The following TFDP2 variants were observed in gnomAD, a reference collection of about 807,000 sequenced individuals.
TFDP2 encodes the protein transcription factor Dp-2 (E2F dimerization partner 2).
In TFDP2, 17 loss-of-function variants were observed where a neutral mutation model predicts 59.3. The observed-to-expected ratio is 0.29, with a 90% CI of 0.20 to 0.43. The LOEUF (loss-of-function observed/expected upper bound fraction) is 0.43, where lower values mean the gene tolerates loss of function less well. TFDP2 is among the 20% of genes least tolerant of loss of function. The pLI is 1.00. For missense variants in TFDP2, 391 were observed against 528.8 expected (o/e 0.74, Z 2.56); for synonymous variants, 180 against 194.7 (o/e 0.92, Z 0.63).
At chr3:141,973,207 C>CCT (rs1940110216) in intron 8 of TFDP2, among the ~76,000 whole-genome samples, 1 of 149,994 alleles carries the variant, frequency 6.7e-6, no homozygotes, top group South Asian at 2.1e-4. Context: ...GTAACCTCTG[C>CCT]CTCCCAGGTT....
chr3:142,000,788 A>C (rs1213506290), intron 4 of TFDP2, among the ~76,000 whole-genome samples: 3 of 152,220 alleles, frequency 2.0e-5, no homozygotes. Context: ...GAAAAGAAGA[A>C]AGGGATAATA....
chr3:141,948,339 C>G lies in TFDP2; in HGVS notation c.*4174G>C, dbSNP rs1006187121. 1.3e-5 allele frequency: 2 copies of G among 151,748 alleles called. No individual in the cohort carries two copies. Among genetic ancestry groups the G allele is most frequent in the African/African-American group, 4.8e-5 (2 of 41,294 alleles). 9.4% of individuals were successfully genotyped at this position (151,748 alleles called of 1,614,324 possible). Reference sequence around the variant, plus strand: ...GGCAGATCACCTGAGGTCAGGAGTTCGACACCAGCCTGGGCAACACGGTGA... The same window carrying G: ...GGCAGATCACCTGAGGTCAGGAGTTGGACACCAGCCTGGGCAACACGGTGA... On this transcript the variant is annotated 3_prime_UTR_variant, in exon 13 of 13. Transcript: ENST00000489671.
chr3:141,984,852 A>G (rs1395585764), intron 6 of TFDP2, among the ~76,000 whole-genome samples: 1 of 152,250 alleles, frequency 6.6e-6, no homozygotes, highest in Non-Finnish European at 1.5e-5. Context: ...CTACAAAACC[A>G]AATTCAATAT....
At position 141,949,952 on chromosome 3, in the gene TFDP2, C is replaced by G. The variant is rs376327125; in HGVS notation, c.*2561G>C. The stretch of plus-strand genomic sequence containing the variant: ...CCTCTTGAGTAGCCAGGACTACAGG[C>G]ATGCCCCACCACACCCAGCTAATTT... On this transcript the variant is annotated 3_prime_UTR_variant, in exon 13 of 13. Coordinates refer to ENST00000489671, the MANE Select transcript of TFDP2 (RefSeq NM_001178139.2). The G allele has an allele frequency of 6.6e-6, 1 of 151,976 alleles. No homozygotes were observed. Among genetic ancestry groups the G allele is most frequent in the African/African-American group, 2.4e-5 (1 of 41,326 alleles). 9.4% of individuals were successfully genotyped at this position (151,976 alleles called of 1,614,324 possible).
intron 3 of TFDP2, among the ~76,000 whole-genome samples, chr3:142,010,377 A>G (rs1944562752): frequency 6.6e-6 from 1 of 152,132 alleles, no homozygotes; most frequent in African/African-American, 2.4e-5. Context: ...TTGGGAGGCC[A>G]AGGTGGGTGG....
intron 1 of TFDP2, among the ~76,000 whole-genome samples, chr3:142,111,712 C>G (rs780421482): frequency 6.6e-6 from 1 of 151,982 alleles, no homozygotes; most frequent in Non-Finnish European, 1.5e-5. Flanking sequence ...GGCAAGGCAA[C>G]GGGCTGCTAA....
chr3:142,114,605 C>A (rs2061784888), intron 1 of TFDP2, among the ~76,000 whole-genome samples: 1 of 151,812 alleles, frequency 6.6e-6, no homozygotes, highest in Non-Finnish European at 1.5e-5. Flanking sequence ...AGGTTAACTG[C>A]AAAAGCTGTC....
At chr3:142,103,038 C>G (rs1252932054) in intron 1 of TFDP2, among the ~76,000 whole-genome samples, 2 of 152,062 alleles carry the variant, frequency 1.3e-5, no homozygotes, top group Non-Finnish European at 2.9e-5. Flanking sequence ...GAGTTCGAGA[C>G]CAGCCTGGCC....
At chr3:141,969,074 G>C in intron 9 of TFDP2, among the ~76,000 whole-genome samples, 1 of 63,038 alleles carries the variant, frequency 1.6e-5, no homozygotes, top group South Asian at 4.2e-4. Flanking sequence ...TCATATATAT[G>C]AGATATATAT....
At chr3:142,014,256 C>T (rs1944948895) in intron 3 of TFDP2, among the ~76,000 whole-genome samples, 1 of 152,190 alleles carries the variant, frequency 6.6e-6, no homozygotes, top group African/African-American at 2.4e-5. Flanking sequence ...TATCCTCCTG[C>T]CTCAGCTCTC....
intron 3 of TFDP2, among the ~76,000 whole-genome samples, chr3:142,007,183 C>T (rs925423131): frequency 2.0e-5 from 3 of 152,288 alleles, no homozygotes; most frequent in Non-Finnish European, 4.4e-5. Flanking sequence ...TGGCCCTTTC[C>T]CTTCAGTTTT....
intron 10 of TFDP2, among the ~76,000 whole-genome samples, chr3:141,962,806 G>A (rs911359955): frequency 1.3e-5 from 2 of 152,236 alleles, no homozygotes; most frequent in Non-Finnish European, 2.9e-5. Flanking sequence ...AGGGCCCTAG[G>A]AGACAGGAAG....
At chr3:141,973,683 CTTTTTT>C (rs200088518) in intron 8 of TFDP2, among the ~76,000 whole-genome samples, 2 of 132,614 alleles carry the variant, frequency 1.5e-5, no homozygotes, top group African/African-American at 2.8e-5. Context: ...CGGCTTGATC[CTTTTTT>C]TTTTTTTTTT....
rs892328000 is a variant in TFDP2, at chr3:141,951,064, C to A, written c.*1449G>T. The A allele has an allele frequency of 6.6e-6, 1 of 152,190 alleles. No individual in the cohort carries two copies. Among genetic ancestry groups the A allele is most frequent in the Non-Finnish European group, 1.5e-5 (1 of 68,036 alleles). 9.4% of individuals were successfully genotyped at this position (152,190 alleles called of 1,614,324 possible). A position where few individuals can be genotyped will look rare whatever the true frequency, so the allele number is the denominator to read the frequency against. The stretch of plus-strand genomic sequence containing the variant: ...ATAAAGAGGCACCACAGGAAGGAGC[C>A]TGCACTTCCCCCATGGGATTTAAAA... On this transcript the variant is annotated 3_prime_UTR_variant, in exon 13 of 13. Transcript: ENST00000489671.
intron 3 of TFDP2, among the ~76,000 whole-genome samples, chr3:142,008,015 T>G (rs748078046): frequency 2.6e-5 from 4 of 152,182 alleles, no homozygotes; most frequent in Non-Finnish European, 5.9e-5. Context: ...CTGCTGGCAC[T>G]CGTTTAATTT....
chr3:142,102,993 T>C (rs1360763875), intron 1 of TFDP2, among the ~76,000 whole-genome samples: 3 of 152,152 alleles, frequency 2.0e-5, no homozygotes, highest in Non-Finnish European at 4.4e-5. Flanking sequence ...CCCAGCACTT[T>C]GGGAGGCTGA....
rs143613930 is a variant in TFDP2 at position 142,069,984 on chromosome 3, C to T, written c.82+23077G>A. 2.6e-3 allele frequency among the ~76,000 whole-genome samples: 395 copies of T among 152,016 alleles called. 8 individuals are homozygous for T. The highest frequency in any genetic ancestry group is 0.015 in the East Asian group (78 of 5,150). On this transcript the variant is annotated intron_variant, in intron 3 of 12. Transcript: ENST00000489671. ...GCAGTGGCGTGATCTCGGCTCACTG[C>T]AACCTCCGTTTCCCAAATTTAAGCT...
In TFDP2 at chr3:141,963,901, C is replaced by A. The variant is rs368449209; in HGVS notation, c.795G>T (p.Pro265=). 8 of 1,613,462 alleles carry A rather than the reference C, an allele frequency of 5.0e-6. No homozygotes were observed. Among genetic ancestry groups the A allele is most frequent in the South Asian group, 4.4e-5 (4 of 91,042 alleles). The change falls in exon 10 of 13, where the codon CCG becomes CCT. Residue 265 remains proline, a synonymous_variant. Transcript: ENST00000489671. ...GCTGAATGGTAGAGTTCAGAGCCGG[C>A]GGGCCCTGGTTTTGCTGCTCATTTT... ...NRQNEQQNQG[P]PALNSTIQLP...
intron 1 of TFDP2, among the ~76,000 whole-genome samples, chr3:142,102,436 G>A (rs1211001573): frequency 6.6e-6 from 1 of 152,138 alleles, no homozygotes; most frequent in Non-Finnish European, 1.5e-5. Context: ...GGATTACTGG[G>A]GCTAAAGGGG....
Sources: allele counts gnomAD v4.1 joint callset (sites outside exome capture counted in the v4.1 genomes callset), GRCh38; gene constraint gnomAD v4.1.1; transcripts MANE v1.5; gene names NCBI Gene and HGNC (gene_info 2026-07-23, HGNC 2026-07-21).